Variants in MGAT4C observed in about 807,000 individuals in gnomAD.
The protein encoded by MGAT4C is alpha-1,3-mannosyl-glycoprotein 4-beta-N-acetylglucosaminyltransferase C.
In MGAT4C, 19 loss-of-function variants were observed where a neutral mutation model predicts 40.1. The ratio of observed to expected loss-of-function variants is 0.47; its 90% CI spans 0.33 to 0.70. The LOEUF (loss-of-function observed/expected upper bound fraction) is 0.70. MGAT4C is among the 30% of genes least tolerant of loss of function. The pLI, the probability that MGAT4C is intolerant of heterozygous loss-of-function variation, is 0.02. For synonymous variants in MGAT4C, 181 were observed against 187.1 expected, an observed-to-expected ratio of 0.97 and a Z score of 0.27; for missense variants, 491 against 563.2, an observed-to-expected ratio of 0.87 and a Z score of 1.30.
chr12:86,820,584 AAT>A (rs1326153115), intron 1 of MGAT4C, among the ~76,000 whole-genome samples: 1 of 150,882 alleles, frequency 6.6e-6, no homozygotes, highest in Non-Finnish European at 1.5e-5. Flanking sequence ...AATCATGATC[AAT>A]AGTTATTTGA....
intron 1 of MGAT4C, among the ~76,000 whole-genome samples, chr12:86,192,315 G>T (rs543644736): frequency 2.6e-5 from 4 of 151,980 alleles, no homozygotes; most frequent in Admixed American, 6.6e-5. Context: ...GGAAGAAATG[G>T]AATCCTCAAA....
At chr12:86,781,852 A>G (rs1214949155) in intron 1 of MGAT4C, among the ~76,000 whole-genome samples, 1 of 152,144 alleles carries the variant, frequency 6.6e-6, no homozygotes, top group Non-Finnish European at 1.5e-5. Context: ...GTAGGTTTGT[A>G]TAGAATTGTT....
Position 85,955,763 on chromosome 12 carries a change from A to G in MGAT4C, c.*23526T>C, listed in dbSNP as rs898714018. On this transcript the variant is annotated 3_prime_UTR_variant, in exon 5 of 5. Transcript: ENST00000611864. ...TTCAAATGAATAATAAATTGCAGAC[A>G]CAGGTATTAAAGCCATCAAGCATAC... The G allele has an allele frequency of 6.6e-6, 1 of 152,180 alleles. No individual in the cohort carries two copies. The highest frequency in any genetic ancestry group is 2.4e-5 in the African/African-American group (1 of 41,438). 9.4% of individuals were successfully genotyped at this position (152,180 alleles called of 1,614,324 possible). A position where few individuals can be genotyped will look rare whatever the true frequency, so the allele number is the denominator to read the frequency against.
At chr12:86,650,964 A>G (rs143843299) in intron 2 of MGAT4C, among the ~76,000 whole-genome samples, 60 of 152,022 alleles carry the variant, frequency 3.9e-4, no homozygotes, top group African/African-American at 1.3e-3. Context: ...TTCCAAAAGT[A>G]TCATTACTTT....
chr12:86,391,112 G>T (rs1956153515), intron 3 of MGAT4C, among the ~76,000 whole-genome samples: 1 of 152,052 alleles, frequency 6.6e-6, no homozygotes, highest in South Asian at 2.1e-4. Flanking sequence ...TTGCAATTTT[G>T]CAACTGTCAG....
chr12:86,596,813 G>C (rs754371213), intron 2 of MGAT4C, among the ~76,000 whole-genome samples: 32 of 152,126 alleles, frequency 2.1e-4, no homozygotes, highest in South Asian at 6.2e-4. Flanking sequence ...CAAAATGGGG[G>C]AATGTGAATT....
At chr12:86,558,619 C>T (rs576148857) in intron 2 of MGAT4C, among the ~76,000 whole-genome samples, 5 of 152,126 alleles carry the variant, frequency 3.3e-5, no homozygotes, top group Admixed American at 2.6e-4. Context: ...GTCATCATCA[C>T]TAAACCAGTC....
intron 2 of MGAT4C, among the ~76,000 whole-genome samples, chr12:86,686,033 T>A (rs925557403): frequency 5.0e-5 from 3 of 59,678 alleles, no homozygotes; most frequent in African/African-American, 8.7e-5. Context: ...TGGCTAATTT[T>A]ATTTTAATTT....
chr12:86,281,419 G>A (rs1953215576), intron 4 of MGAT4C, among the ~76,000 whole-genome samples: 1 of 151,742 alleles, frequency 6.6e-6, no homozygotes, highest in Admixed American at 6.6e-5. Context: ...CATAGATATG[G>A]ATGTAGATAG....
chr12:86,595,292 C>T (rs545809546), intron 2 of MGAT4C, among the ~76,000 whole-genome samples: 57 of 152,088 alleles, frequency 3.7e-4, no homozygotes, highest in African/African-American at 1.3e-3. Context: ...GCCTGTAATC[C>T]CAGCACTTTG....
chr12:85,981,405 G>A (rs892449607), intron 4 of MGAT4C, among the ~76,000 whole-genome samples: 1 of 152,036 alleles, frequency 6.6e-6, no homozygotes, highest in African/African-American at 2.4e-5. Context: ...TTTTAATATA[G>A]CACCTGTATA....
chr12:86,405,926 TTATACATACATTTATAAATAC>T (rs1420691589), intron 3 of MGAT4C, among the ~76,000 whole-genome samples: 1 of 66,022 alleles, frequency 1.5e-5, no homozygotes, highest in Non-Finnish European at 2.9e-5. Flanking sequence ...TGTATTTATA[TTATACATACATTTATAAATAC>T]ATGTATGTAT....
At chr12:86,643,789 T>A (rs1029636289) in intron 2 of MGAT4C, among the ~76,000 whole-genome samples, 1 of 151,806 alleles carries the variant, frequency 6.6e-6, no homozygotes, top group Non-Finnish European at 1.5e-5. Context: ...TATGTGATAA[T>A]ACACTAAATT....
At chr12:86,231,149 TC>T (rs1566186012) in intron 1 of MGAT4C, among the ~76,000 whole-genome samples, 1 of 152,224 alleles carries the variant, frequency 6.6e-6, no homozygotes, top group East Asian at 1.9e-4. Context: ...ATCAGATTTT[TC>T]TGACTAATAG....
intron 3 of MGAT4C, among the ~76,000 whole-genome samples, chr12:86,390,903 C>A (rs1956149702): frequency 6.6e-6 from 1 of 152,084 alleles, no homozygotes. Context: ...CAAGAGTTGA[C>A]CTCAATTCTT....
At chr12:86,069,854 A>C (rs1356611853) in intron 1 of MGAT4C, among the ~76,000 whole-genome samples, 1 of 152,074 alleles carries the variant, frequency 6.6e-6, no homozygotes, top group Non-Finnish European at 1.5e-5. Flanking sequence ...ATATATTCTA[A>C]ATAGAGCAAC....
At chr12:86,258,087 A>C (rs1952575326), upstream of MGAT4C, among the ~76,000 whole-genome samples, 1 of 152,118 alleles carries the variant, frequency 6.6e-6, no homozygotes, top group African/African-American at 2.4e-5. Context: ...TGGAAGATTT[A>C]AAATTTAGAG....
chr12:86,192,872 C>A (rs1365662051), intron 1 of MGAT4C, among the ~76,000 whole-genome samples: 1 of 152,020 alleles, frequency 6.6e-6, no homozygotes, highest in East Asian at 1.9e-4. Context: ...TTGGTATGTT[C>A]AAACTTAGCA....
At chr12:86,772,519 G>T (rs528645982) in intron 1 of MGAT4C, among the ~76,000 whole-genome samples, 1 of 152,196 alleles carries the variant, frequency 6.6e-6, no homozygotes, top group East Asian at 1.9e-4. Context: ...CTCCTCCTTG[G>T]TTCTAAATGG....
Sources: gnomAD v4.1 joint callset for allele counts (sites outside exome capture counted in the v4.1 genomes callset) on GRCh38, gnomAD v4.1.1 for gene constraint, MANE v1.5 for transcripts, NCBI Gene and HGNC (gene_info 2026-07-23, HGNC 2026-07-21) for gene names.